The following ZBTB44 variants were observed in gnomAD, a reference collection of about 807,000 sequenced individuals.
ZBTB44 encodes the protein zinc finger and BTB domain-containing protein 44.
ZBTB44 carries 15 observed loss-of-function variants against 54.0 expected under a neutral mutation model. That is an observed-to-expected ratio of 0.28 (90% CI 0.19 to 0.43). The LOEUF is 0.43. ZBTB44 is among the 20% of genes least tolerant of loss of function. The pLI is 1.00. For missense variants in ZBTB44, 487 were observed against 707.1 expected, an observed-to-expected ratio of 0.69 and a Z score of 3.53; for synonymous variants, 230 against 250.1, an observed-to-expected ratio of 0.92 and a Z score of 0.76.
At chr11:130,301,613 G>A (rs1035338145) in intron 1 of ZBTB44, among the ~76,000 whole-genome samples, 3 of 152,108 alleles carry the variant, frequency 2.0e-5, no homozygotes, top group African/African-American at 7.2e-5. Context: ...TCAGGGAGCA[G>A]AGACTGTGCC....
At chr11:130,241,078 T>A (rs1365885357) in intron 2 of ZBTB44, among the ~76,000 whole-genome samples, 1 of 152,268 alleles carries the variant, frequency 6.6e-6, no homozygotes, top group East Asian at 1.9e-4. Context: ...CAAAGTTTAT[T>A]TTCATTGTTT....
At chr11:130,244,424 T>C (rs978838634) in intron 2 of ZBTB44, among the ~76,000 whole-genome samples, 20 of 152,070 alleles carry the variant, frequency 1.3e-4, no homozygotes, top group African/African-American at 4.1e-4. Context: ...TCCCAGCACT[T>C]TGGGAGGCCG....
intron 1 of ZBTB44, among the ~76,000 whole-genome samples, chr11:130,302,514 G>A (rs1168831326): frequency 6.6e-6 from 1 of 152,172 alleles, no homozygotes; most frequent in Non-Finnish European, 1.5e-5. Context: ...TCCTGATTCA[G>A]TAATGGAAAG....
intron 1 of ZBTB44, among the ~76,000 whole-genome samples, chr11:130,274,692 A>C (rs1228867660): frequency 2.0e-5 from 3 of 152,204 alleles, no homozygotes; most frequent in African/African-American, 7.2e-5. Flanking sequence ...GGCAACCTGG[A>C]AAAAATCCCA....
intron 1 of ZBTB44, among the ~76,000 whole-genome samples, chr11:130,280,309 ATATCT>A (rs1354888771): frequency 1.3e-5 from 2 of 152,244 alleles, no homozygotes; most frequent in African/African-American, 4.8e-5. Context: ...AACTTCAAAC[ATATCT>A]TAGGTACGTT....
At chr11:130,275,068 C>A (rs1939958710) in intron 1 of ZBTB44, among the ~76,000 whole-genome samples, 1 of 152,154 alleles carries the variant, frequency 6.6e-6, no homozygotes, top group African/African-American at 2.4e-5. Context: ...CTGCTTCTGA[C>A]ATTTGACATA....
In ZBTB44 at chr11:130,261,435, T is replaced by C. The variant is rs373280766; in HGVS notation, c.439A>G (p.Asn147Asp). ...GAAGTAAAATTGCAGTTAGAATTAT[T>C]TTCTTGTCCAGCATCTAGACCCTTT... ...PEKGLDAGQENNSNCNFTSRD... is the reference protein window; with the variant it reads ...PEKGLDAGQEDNSNCNFTSRD... The change falls in exon 2 of 8, where the codon AAT (asparagine) becomes GAT (aspartate). Residue 147 changes from asparagine (N) to aspartate (D), a missense_variant. Asn to Asp is a conservative substitution (Grantham distance 23). Transcript: ENST00000357899. The surrounding 1 kb of genome is among the most constrained non-coding windows in gnomAD (Gnocchi z 4.8). 4.3e-6 allele frequency: 7 copies of C among 1,613,876 alleles called. No homozygotes were observed. In the African/African-American group the frequency reaches 9.3e-5, roughly 22 times the overall value.
chr11:130,310,643 G>A (rs959066649), intron 1 of ZBTB44, among the ~76,000 whole-genome samples: 7 of 152,188 alleles, frequency 4.6e-5, no homozygotes, highest in African/African-American at 1.7e-4. Context: ...TGAGCTTGAT[G>A]TGAGAATGTA....
chr11:130,312,125 A>C (rs1052163409), intron 1 of ZBTB44, among the ~76,000 whole-genome samples: 2 of 152,192 alleles, frequency 1.3e-5, no homozygotes, highest in African/African-American at 4.8e-5. Context: ...GGGGAAGAAC[A>C]ATAGTTTACC....
chr11:130,262,018 T>C (rs1024231124), intron 1 of ZBTB44, 89 bp from the exon 2 acceptor site: 5 of 991,042 alleles, frequency 5.0e-6, no homozygotes, highest in Middle Eastern at 3.3e-4. Context: ...CTGTACTAAA[T>C]TAAAAAGCTG....
intron 1 of ZBTB44, among the ~76,000 whole-genome samples, chr11:130,268,295 C>T (rs1340227396): frequency 6.6e-6 from 1 of 151,726 alleles, no homozygotes; most frequent in East Asian, 1.9e-4. Flanking sequence ...AACTTCATCA[C>T]TGTCTCATTA....
At position 130,230,861 on chromosome 11, in the gene ZBTB44, T is replaced by C. The variant is rs974981588; in HGVS notation, c.*903A>G. The C allele has an allele frequency of 2.0e-5, 3 of 152,116 alleles. No homozygotes were observed. Among genetic ancestry groups the C allele is most frequent in the South Asian group, 4.1e-4 (2 of 4,828 alleles). The allele number at this position is 152,116 out of a possible 1,614,324, so 9.4% of individuals were successfully genotyped here. On this transcript the variant is annotated 3_prime_UTR_variant, in exon 8 of 8. Coordinates refer to ENST00000357899, the MANE Select transcript of ZBTB44 (RefSeq NM_001301098.2). ...GCAGGAGCTTTAACATCCATTATCA[T>C]GGGTGAACATCTTTGTTTACTTCTA...
intron 2 of ZBTB44, among the ~76,000 whole-genome samples, chr11:130,257,688 A>G (rs7926189): frequency 0.011 from 1,705 of 152,316 alleles, 41 homozygotes; most frequent in African/African-American, 0.039. Flanking sequence ...ACTTTGTTGC[A>G]GCAGCCCAGG....
intron 2 of ZBTB44, among the ~76,000 whole-genome samples, chr11:130,258,841 T>C (rs1161477166): frequency 6.6e-6 from 1 of 152,200 alleles, no homozygotes; most frequent in Non-Finnish European, 1.5e-5. Context: ...ACAAGTTGCC[T>C]AGGCCACTGA....
At chr11:130,306,616 T>A (rs1412737168) in intron 1 of ZBTB44, among the ~76,000 whole-genome samples, 1 of 152,110 alleles carries the variant, frequency 6.6e-6, no homozygotes, top group Non-Finnish European at 1.5e-5. Context: ...TACACACACT[T>A]ACAGCAGCAC....
chr11:130,268,889 AAG>A (rs201442481), intron 1 of ZBTB44, among the ~76,000 whole-genome samples: 30 of 150,380 alleles, frequency 2.0e-4, no homozygotes, highest in Admixed American at 1.4e-3. Context: ...CTCAAATTTT[AAG>A]AGAGAGAGAG....
chr11:130,298,040 A>T (rs547211422), intron 1 of ZBTB44, among the ~76,000 whole-genome samples: 25 of 152,350 alleles, frequency 1.6e-4, no homozygotes, highest in Non-Finnish European at 2.5e-4. Context: ...AAGCAGACTT[A>T]AGACAAAGTA....
chr11:130,291,144 T>C (rs1300053542), intron 1 of ZBTB44, among the ~76,000 whole-genome samples: 1 of 152,154 alleles, frequency 6.6e-6, no homozygotes, highest in Non-Finnish European at 1.5e-5. Flanking sequence ...TGTTGTTTTT[T>C]TTTTTGAGAC....
chr11:130,234,356 A>C, intron 5 of ZBTB44, 83 bp from the exon 6 acceptor site: 1 of 1,363,680 alleles, frequency 7.3e-7, no homozygotes, highest in South Asian at 1.7e-5. Context: ...TCTGATTTAT[A>C]CAACAAAATT....
Sources: gnomAD v4.1 joint callset for allele counts (sites outside exome capture counted in the v4.1 genomes callset) on GRCh38, gnomAD v4.1.1 for gene constraint, Gnocchi (gnomAD v3.1) non-coding constraint, MANE v1.5 for transcripts, NCBI Gene and HGNC (gene_info 2026-07-23, HGNC 2026-07-21) for gene names.